DAB1: variants seen among roughly 807,000 people sequenced by gnomAD.
DAB1 encodes the protein DAB adaptor protein 1.
Under a neutral mutation model 64.6 loss-of-function variants are expected in DAB1, and 15 were observed. The ratio of observed to expected loss-of-function variants is 0.23; its 90% CI spans 0.16 to 0.36. DAB1 has a LOEUF of 0.36. Ranked by LOEUF, DAB1 falls within the 10% of genes least tolerant of loss-of-function variation. DAB1 has a pLI of 1.00. For missense variants in DAB1, 596 were observed against 706.7 expected (o/e 0.84, Z 1.78); for synonymous variants, 235 against 251.9 (o/e 0.93, Z 0.64).
intron 3 of DAB1, among the ~76,000 whole-genome samples, chr1:58,428,040 G>A (rs1249623106): frequency 6.6e-6 from 1 of 152,176 alleles, no homozygotes; most frequent in Non-Finnish European, 1.5e-5. Flanking sequence ...TGGGAAGTAA[G>A]ACAAAATAAT....
rs149669975 is a variant in DAB1, at chr1:57,222,807, C to T, written c.67+68157G>A. The stretch of plus-strand genomic sequence containing the variant: ...CTCCATTCCTTATTTCCCCCATTTA[C>T]GAAATGAAGGAATCATGTCTTCATG... On this transcript the variant is annotated intron_variant, in intron 2 of 14. Transcript: ENST00000371236. Among the ~76,000 whole-genome samples the T allele has an allele frequency of 2.4e-3, 361 of 152,220 alleles. 3 individuals carry two copies. The highest frequency in any genetic ancestry group is 0.014 in the South Asian group (66 of 4,814).
chr1:58,184,249 A>G (rs1656953108), intron 4 of DAB1, among the ~76,000 whole-genome samples: 1 of 150,038 alleles, frequency 6.7e-6, no homozygotes, highest in African/African-American at 2.4e-5. Context: ...CAGTTTTATT[A>G]TTAATAAAAA....
chr1:58,258,217 C>A (rs1173631601), intron 4 of DAB1, among the ~76,000 whole-genome samples: 4 of 152,088 alleles, frequency 2.6e-5, no homozygotes, highest in African/African-American at 9.7e-5. Context: ...GCCTCACAGG[C>A]AGTGAGGAGT....
intron 1 of DAB1, among the ~76,000 whole-genome samples, chr1:57,848,520 G>A (rs1209820350): frequency 6.6e-6 from 1 of 152,178 alleles, no homozygotes; most frequent in Non-Finnish European, 1.5e-5. Flanking sequence ...ACATCTTGAT[G>A]GATCACTTCT....
chr1:57,238,843 A>G (rs113787958), intron 2 of DAB1, among the ~76,000 whole-genome samples: 4,178 of 112,804 alleles, frequency 0.037, 181 homozygotes, highest in African/African-American at 0.15. Context: ...GCACATGCGC[A>G]CACACACACA....
At chr1:57,204,833 T>C (rs1275994107) in intron 2 of DAB1, among the ~76,000 whole-genome samples, 1 of 152,250 alleles carries the variant, frequency 6.6e-6, no homozygotes, top group Non-Finnish European at 1.5e-5. Context: ...AAGTATTCTT[T>C]AGCTCTTTGT....
intron 3 of DAB1, among the ~76,000 whole-genome samples, chr1:58,389,762 C>G (rs1644461492): frequency 6.6e-6 from 1 of 152,164 alleles, no homozygotes; most frequent in Non-Finnish European, 1.5e-5. Flanking sequence ...AAGCTCAGTG[C>G]TGGCAGGGGA....
intron 7 of DAB1, among the ~76,000 whole-genome samples, chr1:57,548,794 G>A (rs182410613): frequency 6.6e-6 from 1 of 152,240 alleles, no homozygotes; most frequent in African/African-American, 2.4e-5. Context: ...ATACATGGAG[G>A]TTTTCTAGCA....
chr1:58,013,466 A>G (rs1646697424), intron 5 of DAB1, among the ~76,000 whole-genome samples: 1 of 152,188 alleles, frequency 6.6e-6, no homozygotes, highest in Admixed American at 6.5e-5. Flanking sequence ...CATGCTCCAA[A>G]AAAAGAGAAG....
chr1:58,086,512 G>A (rs1650325628), intron 5 of DAB1, among the ~76,000 whole-genome samples: 1 of 152,130 alleles, frequency 6.6e-6, no homozygotes. Flanking sequence ...TGGGGAGAAG[G>A]ACATCATGCA....
At chr1:57,026,082 A>G (rs1230117004) in intron 9 of DAB1, 39 bp from the exon 10 acceptor site, 2 of 1,523,134 alleles carry the variant, frequency 1.3e-6, no homozygotes, top group East Asian at 2.3e-5. Context: ...CTACAAAGAA[A>G]GCTGGTGCTG....
At chr1:58,126,308 A>AT (rs1653077023) in intron 5 of DAB1, among the ~76,000 whole-genome samples, 1 of 152,066 alleles carries the variant, frequency 6.6e-6, no homozygotes, top group Non-Finnish European at 1.5e-5. Context: ...GAGGAAGCCA[A>AT]TTCCCCCAGG....
chr1:57,029,657 C>T lies in DAB1; in HGVS notation c.724-3614G>A, dbSNP rs562835829. On this transcript the variant is annotated intron_variant, in intron 9 of 14. Coordinates refer to ENST00000371236, the MANE Select transcript of DAB1 (RefSeq NM_001365792.1). Reference sequence around the variant, plus strand: ...AACCTACCTCTTGCATCAGCGTGACCTGGATGTGAGACCTGGTGTCAAACA... The same window carrying T: ...AACCTACCTCTTGCATCAGCGTGACTTGGATGTGAGACCTGGTGTCAAACA... Among the ~76,000 whole-genome samples the T allele has an allele frequency of 3.3e-5, 5 of 152,318 alleles. No homozygotes were observed. The South Asian group carries it at 1.0e-3, about 32-fold the overall frequency.
chr1:57,426,874 A>ATATATATATATATATATATATT (rs57970737), upstream of DAB1, among the ~76,000 whole-genome samples: 2 of 149,184 alleles, frequency 1.3e-5, no homozygotes, highest in African/African-American at 2.5e-5. Flanking sequence ...ATATATATAT[A>ATATATATATATATATATATATT]TTTTTTTGAG....
intron 7 of DAB1, among the ~76,000 whole-genome samples, chr1:57,596,965 A>G (rs775884052): frequency 1.7e-4 from 26 of 152,210 alleles, no homozygotes; most frequent in African/African-American, 2.4e-4. Context: ...GCTGGCTTCT[A>G]TGAACTCTCT....
At chr1:58,298,304 G>T (rs987253995) in intron 4 of DAB1, among the ~76,000 whole-genome samples, 1 of 152,142 alleles carries the variant, frequency 6.6e-6, no homozygotes, top group Non-Finnish European at 1.5e-5. Flanking sequence ...GTTAAAGTTT[G>T]TTGACTGATT....
At chr1:57,866,290 T>G (rs1265760567) in intron 1 of DAB1, 1 of 152,260 alleles carries the variant, frequency 6.6e-6, no homozygotes, top group African/African-American at 2.4e-5. Context: ...CTGTTACCGC[T>G]CCTCTTCACA....
intron 5 of DAB1, among the ~76,000 whole-genome samples, chr1:58,058,313 G>A (rs2806403): frequency 0.77 from 116,576 of 152,068 alleles, 45,244 homozygotes; most frequent in Non-Finnish European, 0.83. Context: ...TGAAAAGCAC[G>A]GGATGAGACA....
chr1:58,149,503 A>G (rs1168604315), intron 5 of DAB1, among the ~76,000 whole-genome samples: 1 of 152,146 alleles, frequency 6.6e-6, no homozygotes, highest in Non-Finnish European at 1.5e-5. Flanking sequence ...GCTGCTATGG[A>G]TACGTTTCCT....
Sources: allele counts gnomAD v4.1 joint callset (sites outside exome capture counted in the v4.1 genomes callset), GRCh38; gene constraint gnomAD v4.1.1; transcripts MANE v1.5; gene names NCBI Gene and HGNC (gene_info 2026-07-23, HGNC 2026-07-21).